PTPRQ: variants seen among roughly 807,000 people sequenced by gnomAD.
PTPRQ encodes the protein protein tyrosine phosphatase receptor type Q, also known as phosphatidylinositol phosphatase PTPRQ.
In PTPRQ, 199 loss-of-function variants were observed where a neutral mutation model predicts 246.0. The observed-to-expected ratio is 0.81, with a 90% CI of 0.72 to 0.91. The LOEUF is 0.91. Among genes scored for constraint, PTPRQ ranks in the 40% least tolerant of loss-of-function variants. The pLI, the probability that PTPRQ is intolerant of heterozygous loss-of-function variation, is 0.00. For missense variants in PTPRQ, 2,624 were observed against 2,528.4 expected (o/e 1.04, Z -0.81); for synonymous variants, 869 against 853.2 (o/e 1.02, Z -0.32).
intron 36 of PTPRQ, 141 bp from the exon 37 acceptor site, chr12:80,649,447 G>A: frequency 8.6e-7 from 1 of 1,166,060 alleles, no homozygotes; most frequent in Non-Finnish European, 1.1e-6. Flanking sequence ...GTATAACAGA[G>A]TGACTTTAAA....
chr12:80,649,597 C>T lies in PTPRQ; in HGVS notation c.5952C>T (p.Ser1984=). 6.5e-7 allele frequency: 1 copy of T among 1,549,292 alleles called. No individual in the cohort carries two copies. Among genetic ancestry groups the T allele is most frequent in the Non-Finnish European group, 8.7e-7 (1 of 1,145,522 alleles). Residue 1984 remains serine, a synonymous_variant, in exon 37 of 45, where the codon AGC becomes AGT. Transcript: ENST00000644991. ...CTTTCTTTACTTGGAGGCCAATAAG[C>T]AAGAAATCCTTCCTGCAACATGTTG... ...LSYRKSIKPI[S]KKSFLQHVEE...
At chr12:80,541,468 C>T in intron 20 of PTPRQ, 87 bp from the exon 21 acceptor site, 1 of 1,083,072 alleles carries the variant, frequency 9.2e-7, no homozygotes, top group Non-Finnish European at 1.2e-6. Flanking sequence ...TAATAGTTGC[C>T]ATTTCAACAA....
intron 26 of PTPRQ, among the ~76,000 whole-genome samples, chr12:80,597,954 G>A (rs2121055515): frequency 6.6e-6 from 1 of 152,024 alleles, no homozygotes; most frequent in South Asian, 2.1e-4. Context: ...AGTAATAGTA[G>A]TAATTAGAAT....
chr12:80,508,670 T>G (rs558080064), intron 16 of PTPRQ, among the ~76,000 whole-genome samples: 97 of 152,226 alleles, frequency 6.4e-4, no homozygotes, highest in African/African-American at 2.3e-3. Context: ...TTAGATTGTA[T>G]TTTAGAATAC....
intron 26 of PTPRQ, chr12:80,593,562 T>A (rs1897873028): frequency 6.6e-6 from 1 of 152,168 alleles, no homozygotes; most frequent in Non-Finnish European, 1.5e-5. Context: ...GCCAAATTGC[T>A]TTTGTTCTCA....
At chr12:80,670,278 T>C in intron 41 of PTPRQ, 66 bp from the exon 42 acceptor site, 2 of 1,532,670 alleles carry the variant, frequency 1.3e-6, no homozygotes. Flanking sequence ...ACTGGGACTA[T>C]TGCCTTCAAC....
intron 19 of PTPRQ, 129 bp downstream of exon 19, chr12:80,535,166 T>G: frequency 2.2e-6 from 2 of 919,100 alleles, no homozygotes; most frequent in Non-Finnish European, 1.5e-6. Flanking sequence ...TTTATAAAAC[T>G]CCCATTGACA....
At chr12:80,660,368 T>C (rs544618503) in intron 39 of PTPRQ, among the ~76,000 whole-genome samples, 123 of 152,148 alleles carry the variant, frequency 8.1e-4, no homozygotes, top group Middle Eastern at 3.4e-3. Context: ...TGTTTTCCTC[T>C]GCCGTTGGCC....
intron 16 of PTPRQ, among the ~76,000 whole-genome samples, chr12:80,507,002 T>C (rs1894981751): frequency 6.6e-6 from 1 of 152,030 alleles, no homozygotes; most frequent in Admixed American, 6.6e-5. Context: ...TTTTCAACTT[T>C]TACATTTTTA....
At chr12:80,499,998 G>T (rs1894748051) in intron 14 of PTPRQ, among the ~76,000 whole-genome samples, 1 of 151,816 alleles carries the variant, frequency 6.6e-6, no homozygotes, top group Non-Finnish European at 1.5e-5. Flanking sequence ...AAAACACCTT[G>T]TCTGATTTGG....
intron 26 of PTPRQ, among the ~76,000 whole-genome samples, chr12:80,597,229 T>A (rs1005042476): frequency 3.9e-5 from 6 of 152,020 alleles, no homozygotes; most frequent in Non-Finnish European, 5.9e-5. Context: ...ACCCCAATTA[T>A]GCCTGCATAC....
chr12:80,585,137 C>T (rs1204541667), intron 25 of PTPRQ, among the ~76,000 whole-genome samples: 1 of 151,986 alleles, frequency 6.6e-6, no homozygotes, highest in Non-Finnish European at 1.5e-5. Flanking sequence ...TTCTGGGTGT[C>T]TGAGAGGAAT....
At position 80,588,868 on chromosome 12, in the gene PTPRQ, A is replaced by G. The variant is rs180699884; in HGVS notation, c.4609+416A>G. The stretch of plus-strand genomic sequence containing the variant: ...AGTGACTTCAAACTTACACACACAC[A>G]CGTGTGACCACAATAACCCTGATTG... On this transcript the variant is annotated intron_variant, in intron 26 of 44. Transcript: ENST00000644991. Among the ~76,000 whole-genome samples the G allele has an allele frequency of 6.7e-3, 1,019 of 152,284 alleles. 9 individuals carry two copies. Among genetic ancestry groups the G allele is most frequent in the Non-Finnish European group, 0.012 (810 of 68,024 alleles).
intron 25 of PTPRQ, among the ~76,000 whole-genome samples, chr12:80,573,383 G>C (rs544120037): frequency 6.6e-6 from 1 of 152,154 alleles, no homozygotes; most frequent in African/African-American, 2.4e-5. Context: ...CAGCTACTCG[G>C]GAGGCTGAGG....
Position 80,639,344 on chromosome 12 carries a change from C to A in PTPRQ, c.5915+4271C>A, listed in dbSNP as rs552261054. Among the ~76,000 whole-genome samples, 6 of 152,208 alleles carry A rather than the reference C, an allele frequency of 3.9e-5. No individual in the cohort carries two copies. The East Asian group carries it at 1.2e-3, about 29-fold the overall frequency. On this transcript the variant is annotated intron_variant, in intron 35 of 44. Transcript: ENST00000644991. ...AAAAGAATAGTAAAACAACATTAATCAATGTCACTAATATTCTTACTTGAC... is the reference window on the plus strand; with the variant it reads ...AAAAGAATAGTAAAACAACATTAATAAATGTCACTAATATTCTTACTTGAC...
Position 80,495,252 on chromosome 12 carries a change from A to G in PTPRQ, c.1763A>G (p.Tyr588Cys). Residue 588 changes from tyrosine to cysteine, a missense_variant, in exon 12 of 45, where the codon TAT (tyrosine) becomes TGT (cysteine). Coordinates refer to ENST00000644991, the MANE Select transcript of PTPRQ (RefSeq NM_001145026.2). ...ATTAGTTCTTCATCTATTTTGTTAT[A>G]TTGGGATCCTCCAGAATATCCCAAT... ...KNISSSSILLYWDPPEYPNGK... is the reference protein window; with the variant it reads ...KNISSSSILLCWDPPEYPNGK... 1 of 1,544,390 alleles carries G rather than the reference A, an allele frequency of 6.5e-7. No homozygotes were observed. The highest frequency in any genetic ancestry group is 2.5e-5 in the East Asian group (1 of 40,744).
chr12:80,449,865 T>G (rs1337111380), intron 3 of PTPRQ, among the ~76,000 whole-genome samples: 3 of 152,106 alleles, frequency 2.0e-5, no homozygotes, highest in Admixed American at 6.5e-5. Context: ...GTGGGCTCTT[T>G]TTTGGTTCCA....
At chr12:80,533,889 C>T (rs1376495987) in intron 17 of PTPRQ, 126 bp from the exon 18 acceptor site, 2 of 678,086 alleles carry the variant, frequency 2.9e-6, no homozygotes, top group African/African-American at 3.7e-5. Context: ...TAACCAACAT[C>T]TTTTTTCTAT....
At chr12:80,637,713 C>A (rs1899708736) in intron 35 of PTPRQ, among the ~76,000 whole-genome samples, 1 of 152,116 alleles carries the variant, frequency 6.6e-6, no homozygotes, top group Non-Finnish European at 1.5e-5. Flanking sequence ...AAACATTAGA[C>A]AATAAGACTG....
Sources: allele counts gnomAD v4.1 joint callset (sites outside exome capture counted in the v4.1 genomes callset), GRCh38; gene constraint gnomAD v4.1.1; transcripts MANE v1.5; gene names NCBI Gene and HGNC (gene_info 2026-07-23, HGNC 2026-07-21).